The following APOBEC3A variants were observed in gnomAD, a reference collection of about 807,000 sequenced individuals.
The protein encoded by APOBEC3A is apolipoprotein B mRNA editing enzyme catalytic subunit 3A, also known as DNA dC->dU-editing enzyme APOBEC-3A.
Under a neutral mutation model 23.0 loss-of-function variants are expected in APOBEC3A, and 13 were observed. That is an observed-to-expected ratio of 0.57 (90% CI 0.37 to 0.90). The LOEUF is 0.90. APOBEC3A is among the 40% of genes least tolerant of loss of function. APOBEC3A has a pLI of 0.01. For missense variants in APOBEC3A, 179 were observed against 264.9 expected, an observed-to-expected ratio of 0.68 and a Z score of 2.25; for synonymous variants, 74 against 101.3, an observed-to-expected ratio of 0.73 and a Z score of 1.62.
At chr22:38,958,499 CT>C (rs771325736) in intron 1 of APOBEC3A, among the ~76,000 whole-genome samples, 1 of 136,454 alleles carries the variant, frequency 7.3e-6, no homozygotes, top group African/African-American at 2.8e-5. Context: ...TTCTTTCTTT[CT>C]TTTTCTTTCA....
chr22:38,958,914 T>C (rs574526536), intron 1 of APOBEC3A, among the ~76,000 whole-genome samples: 1 of 151,970 alleles, frequency 6.6e-6, no homozygotes, highest in South Asian at 2.1e-4. Flanking sequence ...ATTCTGATTA[T>C]GTCAGGATGC....
chr22:38,960,278 A>G (rs1922820765), intron 2 of APOBEC3A, among the ~76,000 whole-genome samples: 1 of 152,172 alleles, frequency 6.6e-6, no homozygotes, highest in Non-Finnish European at 1.5e-5. Flanking sequence ...CGGTGCTGGA[A>G]ACTGGGACCT....
chr22:38,960,094 G>A (rs1922809366), intron 2 of APOBEC3A, among the ~76,000 whole-genome samples: 1 of 152,212 alleles, frequency 6.6e-6, no homozygotes, highest in African/African-American at 2.4e-5. Flanking sequence ...GTCCTGCCCA[G>A]GGTGGAGCCC....
chr22:38,960,991 G>A (rs965655275), intron 2 of APOBEC3A, among the ~76,000 whole-genome samples: 9 of 151,220 alleles, frequency 6.0e-5, no homozygotes, highest in Non-Finnish European at 1.2e-4. Flanking sequence ...GGCTCCAAAT[G>A]CTCAGTAATT....
At chr22:38,960,748 A>G (rs1402117680) in intron 2 of APOBEC3A, among the ~76,000 whole-genome samples, 5 of 152,324 alleles carry the variant, frequency 3.3e-5, no homozygotes, top group Admixed American at 6.5e-5. Flanking sequence ...TGTGGCACAG[A>G]ATAGAAGCTT....
chr22:38,958,950 C>T (rs1922737866), intron 1 of APOBEC3A, among the ~76,000 whole-genome samples: 1 of 151,956 alleles, frequency 6.6e-6, no homozygotes, highest in African/African-American at 2.4e-5. Context: ...GAGAGGTCTT[C>T]AAGGTGGGGC....
chr22:38,960,787 G>T (rs1265434907), intron 2 of APOBEC3A, among the ~76,000 whole-genome samples: 1 of 152,098 alleles, frequency 6.6e-6, no homozygotes, highest in African/African-American at 2.4e-5. Context: ...GATGGGATGG[G>T]AGTAGGGGAG....
intron 1 of APOBEC3A, among the ~76,000 whole-genome samples, 163 bp downstream of exon 1, chr22:38,957,883 G>A (rs1452878546): frequency 2.6e-5 from 4 of 152,086 alleles, no homozygotes; most frequent in African/African-American, 4.8e-5. Context: ...TGGTCCCAGC[G>A]CTGGTCTCTC....
intron 4 of APOBEC3A, 118 bp downstream of exon 4, chr22:38,962,331 C>A (rs993958326): frequency 1.2e-5 from 19 of 1,569,724 alleles, no homozygotes; most frequent in Non-Finnish European, 1.6e-5. Flanking sequence ...CCCCACAGGG[C>A]GCCCAGCTCC....
chr22:38,958,643 TTTTC>T (rs1294756135), intron 1 of APOBEC3A, among the ~76,000 whole-genome samples: 5 of 150,014 alleles, frequency 3.3e-5, no homozygotes, highest in South Asian at 2.1e-4. Context: ...TTTTTCTTTC[TTTTC>T]TTTCTTTCTT....
In APOBEC3A at chr22:38,957,611, TG is replaced by T; in HGVS notation, c.-79del. 1 of 1,556,210 alleles carries T rather than the reference TG, an allele frequency of 6.4e-7. No individual in the cohort carries two copies. The highest frequency in any genetic ancestry group is 8.8e-7 in the Non-Finnish European group (1 of 1,141,718). ...AGGCTCCTGAATCCTAAGAGAATGT[TG>T]GTGAAGATCTTAACACCACGCCTTG... On this transcript the variant is annotated 5_prime_UTR_variant, in exon 1 of 5. Transcript: ENST00000249116.
intron 1 of APOBEC3A, among the ~76,000 whole-genome samples, chr22:38,958,400 T>TCCCC (rs1404837105): frequency 1.3e-5 from 2 of 149,496 alleles, no homozygotes; most frequent in African/African-American, 5.0e-5. Context: ...CTTCCCTCCC[T>TCCCC]CCTTCCTTCC....
intron 2 of APOBEC3A, among the ~76,000 whole-genome samples, chr22:38,960,540 C>T (rs1460002747): frequency 6.6e-6 from 1 of 152,190 alleles, no homozygotes; most frequent in Non-Finnish European, 1.5e-5. Flanking sequence ...TTGACCGATT[C>T]CTAGTCTTAG....
chr22:38,958,525 CT>C (rs1922689302), intron 1 of APOBEC3A, among the ~76,000 whole-genome samples: 1 of 135,854 alleles, frequency 7.4e-6, no homozygotes, highest in Non-Finnish European at 1.6e-5. Context: ...TTCCTTCTTT[CT>C]TTCTTTTACT....
Position 38,960,279 on chromosome 22 carries a change from A to G in APOBEC3A, c.174+593A>G, listed in dbSNP as rs547075219. On this transcript the variant is annotated intron_variant, in intron 2 of 4. Transcript: ENST00000249116. ...GTAATGCTTGGCTCCGGTGCTGGAAACTGGGACCTTCTCTGGGCTCTATGA... is the reference window on the plus strand; with the variant it reads ...GTAATGCTTGGCTCCGGTGCTGGAAGCTGGGACCTTCTCTGGGCTCTATGA... 8.5e-5 allele frequency among the ~76,000 whole-genome samples: 13 copies of G among 152,296 alleles called. 1 individual carries two copies. Among genetic ancestry groups the G allele is most frequent in the African/African-American group, 3.1e-4 (13 of 41,560 alleles).
At position 38,963,036 on chromosome 22, in the gene APOBEC3A, C is replaced by G. The variant is rs112157058; in HGVS notation, c.*527C>G. On this transcript the variant is annotated 3_prime_UTR_variant, in exon 5 of 5. Transcript: ENST00000249116. ...CCAAGTACACAATAGTAAGATTATG[C>G]TCAATATTCTCAGAATAATTTTCAA... is the stretch of plus-strand genomic sequence containing the variant. The G allele has an allele frequency of 5.4e-3, 859 of 159,350 alleles. 54 individuals are homozygous for G. Among genetic ancestry groups the G allele is most frequent in the African/African-American group, 0.02 (827 of 41,010 alleles). The allele number at this position is 159,350 out of a possible 1,614,324, so 9.9% of individuals were successfully genotyped here. A position where few individuals can be genotyped will look rare whatever the true frequency, so the allele number is the denominator to read the frequency against.
In APOBEC3A at chr22:38,962,801, A is replaced by G. The variant is rs535439309; in HGVS notation, c.*292A>G. The G allele has an allele frequency of 1.1e-4, 71 of 671,494 alleles. No individual in the cohort carries two copies. In the Middle Eastern group the frequency reaches 1.4e-3, roughly 13 times the overall value. 41.6% of individuals were successfully genotyped at this position (671,494 alleles called of 1,614,324 possible). A position where few individuals can be genotyped will look rare whatever the true frequency, so the allele number is the denominator to read the frequency against. The stretch of plus-strand genomic sequence containing the variant: ...GTGAAACCCTGTCTCTACTAAAAAT[A>G]CAAAAAATTAGCCAGGCGTGGTGGC... On this transcript the variant is annotated 3_prime_UTR_variant, in exon 5 of 5. Coordinates refer to ENST00000249116, the MANE Select transcript of APOBEC3A (RefSeq NM_145699.4).
chr22:38,961,953 T>C, intron 3 of APOBEC3A, 145 bp from the exon 4 acceptor site: 1 of 1,223,036 alleles, frequency 8.2e-7, no homozygotes. Context: ...AACTGCCTGA[T>C]GAAGGAGCTA....
chr22:38,960,876 C>T (rs1922848331), intron 2 of APOBEC3A, among the ~76,000 whole-genome samples: 2 of 151,924 alleles, frequency 1.3e-5, no homozygotes, highest in South Asian at 4.2e-4. Flanking sequence ...CCTCGGGGCT[C>T]CGCCGGCCCC....
Sources: allele counts gnomAD v4.1 joint callset (sites outside exome capture counted in the v4.1 genomes callset), GRCh38; gene constraint gnomAD v4.1.1; transcripts MANE v1.5; gene names NCBI Gene and HGNC (gene_info 2026-07-23, HGNC 2026-07-21).